The following CNBD1 variants were observed in gnomAD, a reference collection of about 807,000 sequenced individuals.
The protein encoded by CNBD1 is cyclic nucleotide-binding domain-containing protein 1.
Under a neutral mutation model 54.4 loss-of-function variants are expected in CNBD1, and 71 were observed. The observed-to-expected ratio is 1.30, with a 90% CI of 1.08 to 1.59. The LOEUF (loss-of-function observed/expected upper bound fraction) is 1.59, where lower values mean the gene tolerates loss of function less well. Ranked by LOEUF, CNBD1 falls within the 40% of genes most tolerant of loss-of-function variation. The pLI, the probability that CNBD1 is intolerant of heterozygous loss-of-function variation, is 0.00. For synonymous variants in CNBD1, 182 were observed against 170.7 expected (o/e 1.07, Z -0.51); for missense variants, 659 against 518.0 (o/e 1.27, Z -2.64).
chr8:86,867,600 A>G (rs576811581), intron 1 of CNBD1, among the ~76,000 whole-genome samples: 90 of 152,322 alleles, frequency 5.9e-4, no homozygotes, highest in Admixed American at 2.4e-3. Flanking sequence ...CATTTGTATT[A>G]TAGTGAAAAT....
At chr8:87,020,699 A>G (rs1271914177) in intron 4 of CNBD1, among the ~76,000 whole-genome samples, 3 of 152,202 alleles carry the variant, frequency 2.0e-5, no homozygotes, top group Admixed American at 1.3e-4. Flanking sequence ...CCCAAAATAT[A>G]TTTCCTTGCC....
At chr8:87,395,891 G>A (rs377435380) in intron 2 of CNBD1, among the ~76,000 whole-genome samples, 4 of 151,962 alleles carry the variant, frequency 2.6e-5, no homozygotes, top group African/African-American at 9.6e-5. Flanking sequence ...CATTTTATAA[G>A]GGGCTTTTCT....
intron 4 of CNBD1, among the ~76,000 whole-genome samples, chr8:86,941,686 G>C (rs1269246793): frequency 1.3e-5 from 2 of 152,102 alleles, no homozygotes; most frequent in African/African-American, 4.8e-5. Context: ...ACTACAAATG[G>C]GTAAGAAGCC....
At chr8:87,404,231 G>T (rs891455242) in intron 2 of CNBD1, among the ~76,000 whole-genome samples, 1 of 151,952 alleles carries the variant, frequency 6.6e-6, no homozygotes, top group Non-Finnish European at 1.5e-5. Flanking sequence ...TTCAAAAGTT[G>T]GAACAGCTTG....
At chr8:87,279,496 T>G (rs192718865) in intron 6 of CNBD1, among the ~76,000 whole-genome samples, 44 of 151,438 alleles carry the variant, frequency 2.9e-4, no homozygotes, top group African/African-American at 9.9e-4. Flanking sequence ...ACCCACCTTA[T>G]TAGAAGGATA....
At chr8:86,946,406 C>A (rs1302328214) in intron 4 of CNBD1, among the ~76,000 whole-genome samples, 3 of 151,918 alleles carry the variant, frequency 2.0e-5, no homozygotes, top group South Asian at 2.1e-4. Context: ...TATCTTGATA[C>A]CTTTGTTCTA....
At chr8:87,384,659 T>A (rs1388924131), downstream of CNBD1, among the ~76,000 whole-genome samples, 1 of 152,178 alleles carries the variant, frequency 6.6e-6, no homozygotes. Context: ...AGGTATTAAA[T>A]AAATGTATGT....
At chr8:86,959,629 A>T (rs1168879253) in intron 4 of CNBD1, among the ~76,000 whole-genome samples, 1 of 151,968 alleles carries the variant, frequency 6.6e-6, no homozygotes, top group African/African-American at 2.4e-5. Context: ...CCTTTCTTCC[A>T]CTTGATTGAA....
intron 1 of CNBD1, among the ~76,000 whole-genome samples, chr8:86,884,752 A>G (rs909189290): frequency 2.0e-5 from 3 of 152,180 alleles, no homozygotes; most frequent in East Asian, 1.9e-4. Flanking sequence ...TCTTACTACA[A>G]AAGTTTGTTG....
chr8:87,395,741 C>T (rs1405077850), intron 2 of CNBD1, among the ~76,000 whole-genome samples: 3 of 151,744 alleles, frequency 2.0e-5, no homozygotes, highest in Admixed American at 2.0e-4. Context: ...TATCCCCACC[C>T]AAATCTCATC....
At chr8:87,264,251 GGTTTTTTT>G (rs1808203344) in intron 6 of CNBD1, among the ~76,000 whole-genome samples, 1 of 151,564 alleles carries the variant, frequency 6.6e-6, no homozygotes, top group Non-Finnish European at 1.5e-5. Flanking sequence ...TGTGGTGTTT[GGTTTTTTT>G]GTCCTTGCGA....
chr8:87,358,189 A>G (rs1006620481), intron 10 of CNBD1, among the ~76,000 whole-genome samples: 1 of 152,190 alleles, frequency 6.6e-6, no homozygotes, highest in African/African-American at 2.4e-5. Context: ...GTATTCCTTC[A>G]TAGCAATGCA....
intron 4 of CNBD1, among the ~76,000 whole-genome samples, chr8:86,962,124 A>T (rs1459322480): frequency 3.9e-5 from 6 of 152,190 alleles, no homozygotes; most frequent in Non-Finnish European, 7.3e-5. Flanking sequence ...TCAAAAATGA[A>T]TCAATGATGC....
At chr8:86,915,725 G>T (rs1298816300) in intron 3 of CNBD1, among the ~76,000 whole-genome samples, 2 of 152,108 alleles carry the variant, frequency 1.3e-5, no homozygotes, top group Non-Finnish European at 2.9e-5. Flanking sequence ...GATGAGTACT[G>T]GAATCCAGCT....
chr8:87,112,552 C>T (rs182177714), intron 4 of CNBD1, among the ~76,000 whole-genome samples: 1 of 152,322 alleles, frequency 6.6e-6, no homozygotes, highest in East Asian at 1.9e-4. Context: ...TGTTGTTTCT[C>T]TCTCTAAAGC....
intron 8 of CNBD1, among the ~76,000 whole-genome samples, chr8:87,312,194 C>T (rs921008063): frequency 6.6e-6 from 1 of 152,004 alleles, no homozygotes; most frequent in Non-Finnish European, 1.5e-5. Flanking sequence ...ATATTCCCCT[C>T]CCCCCAAAAA....
intron 4 of CNBD1, among the ~76,000 whole-genome samples, chr8:86,972,725 G>A (rs1378605963): frequency 6.6e-6 from 1 of 152,102 alleles, no homozygotes; most frequent in African/African-American, 2.4e-5. Flanking sequence ...TTTCTGGTTG[G>A]ATTTAATACA....
At chr8:87,312,565 C>T (rs1027288084) in intron 8 of CNBD1, among the ~76,000 whole-genome samples, 2 of 152,058 alleles carry the variant, frequency 1.3e-5, no homozygotes, top group African/African-American at 4.8e-5. Flanking sequence ...TAGAGACAAT[C>T]TATCTTTTCT....
chr8:87,377,926 T>C (rs930691066), intron 10 of CNBD1, among the ~76,000 whole-genome samples: 14 of 149,794 alleles, frequency 9.3e-5, no homozygotes, highest in Admixed American at 2.0e-4. Context: ...TTTTTTCATG[T>C]GTTTTTTGGC....
Sources: gnomAD v4.1 joint callset for allele counts (sites outside exome capture counted in the v4.1 genomes callset) on GRCh38, gnomAD v4.1.1 for gene constraint, MANE v1.5 for transcripts, NCBI Gene and HGNC (gene_info 2026-07-23, HGNC 2026-07-21) for gene names.